EPM2A: variants seen among roughly 807,000 people sequenced by gnomAD.
EPM2A encodes the protein EPM2A glucan phosphatase, laforin, also known as laforin.
Under a neutral mutation model 26.5 loss-of-function variants are expected in EPM2A, and 21 were observed. The ratio of observed to expected loss-of-function variants is 0.79; its 90% CI spans 0.56 to 1.14. The LOEUF (loss-of-function observed/expected upper bound fraction) is 1.14. EPM2A is among the 50% of genes most tolerant of loss of function. The pLI, the probability that EPM2A is intolerant of heterozygous loss-of-function variation, is 0.00. For missense variants in EPM2A, 458 were observed against 440.8 expected, an observed-to-expected ratio of 1.04 and a Z score of -0.35; for synonymous variants, 217 against 177.6, an observed-to-expected ratio of 1.22 and a Z score of -1.76.
chr6:145,577,370 CA>C (rs57227362), intron 2 of EPM2A, among the ~76,000 whole-genome samples: 4,852 of 138,830 alleles, frequency 0.035, 93 homozygotes, highest in African/African-American at 0.062. Context: ...AAAATGGAAA[CA>C]AAAAAAAAAG....
At chr6:145,504,511 C>A (rs1346440608) in intron 2 of EPM2A, among the ~76,000 whole-genome samples, 1 of 73,222 alleles carries the variant, frequency 1.4e-5, no homozygotes, top group Non-Finnish European at 2.7e-5. Flanking sequence ...TCATCACTGG[C>A]CATCAGAGAA....
chr6:145,654,727 GTT>G (rs1462437373), intron 2 of EPM2A, among the ~76,000 whole-genome samples: 3 of 152,138 alleles, frequency 2.0e-5, no homozygotes, highest in Non-Finnish European at 4.4e-5. Context: ...AAAATGGAGA[GTT>G]TAGCTTATGG....
chr6:145,426,113 C>T (rs1280370778), intron 4 of EPM2A, among the ~76,000 whole-genome samples: 1 of 152,160 alleles, frequency 6.6e-6, no homozygotes, highest in African/African-American at 2.4e-5. Flanking sequence ...GAACTCTTCT[C>T]TGGTTGATAT....
intron 4 of EPM2A, among the ~76,000 whole-genome samples, chr6:145,414,638 A>T (rs1272761230): frequency 1.3e-5 from 2 of 152,014 alleles, no homozygotes; most frequent in Non-Finnish European, 2.9e-5. Context: ...TAAGGCAGAG[A>T]GTCCTGTGTT....
chr6:145,409,930 T>G (rs1209092535), intron 4 of EPM2A, among the ~76,000 whole-genome samples: 1 of 152,198 alleles, frequency 6.6e-6, no homozygotes, highest in African/African-American at 2.4e-5. Context: ...GGTGAGCATG[T>G]CTTCCAAGTG....
chr6:145,697,072 G>A (rs900583713), intron 1 of EPM2A, among the ~76,000 whole-genome samples: 5 of 151,878 alleles, frequency 3.3e-5, no homozygotes, highest in Non-Finnish European at 7.4e-5. Flanking sequence ...TTTGTTATTG[G>A]GGGAAATTCA....
At chr6:145,716,030 G>T (rs1775599660) in intron 1 of EPM2A, among the ~76,000 whole-genome samples, 1 of 152,140 alleles carries the variant, frequency 6.6e-6, no homozygotes, top group Admixed American at 6.5e-5. Flanking sequence ...TGCCAGAAAG[G>T]TTAGGGACCA....
chr6:145,546,179 A>G (rs1780581010), intron 2 of EPM2A, among the ~76,000 whole-genome samples: 1 of 152,152 alleles, frequency 6.6e-6, no homozygotes, highest in Non-Finnish European at 1.5e-5. Context: ...GGCCTGAGAA[A>G]CAGGGATGCC....
In EPM2A at chr6:145,395,681, C is replaced by A. The variant is rs144797735; in HGVS notation, c.556-11584G>T. On this transcript the variant is annotated intron_variant, in intron 4 of 4. Transcript: ENST00000638717. ...CATAGCTCACTGTAACCTCCTTAAC[C>A]CCGGCACCTTCTTTCCTTTACCAGA... Among the ~76,000 whole-genome samples the A allele has an allele frequency of 8.2e-4, 125 of 152,270 alleles. 1 individual carries two copies. Among genetic ancestry groups the A allele is most frequent in the African/African-American group, 2.8e-3 (117 of 41,556 alleles).
chr6:145,628,236 TG>T (rs1321998018), intron 3 of EPM2A: 1 of 155,934 alleles, frequency 6.4e-6, no homozygotes, highest in African/African-American at 2.4e-5. Context: ...TCGATACAGA[TG>T]GATAACCAAT....
intron 2 of EPM2A, among the ~76,000 whole-genome samples, chr6:145,577,700 C>T (rs995224570): frequency 6.6e-6 from 1 of 151,886 alleles, no homozygotes; most frequent in African/African-American, 2.4e-5. Flanking sequence ...GCCAAGTGGA[C>T]CTAAAAGACA....
At chr6:145,539,705 A>T (rs1780481281) in intron 2 of EPM2A, among the ~76,000 whole-genome samples, 1 of 152,192 alleles carries the variant, frequency 6.6e-6, no homozygotes, top group South Asian at 2.1e-4. Flanking sequence ...ATAAAAAGTC[A>T]AACTTAATTG....
At chr6:145,524,289 G>C (rs562652476) in intron 2 of EPM2A, among the ~76,000 whole-genome samples, 5 of 151,996 alleles carry the variant, frequency 3.3e-5, no homozygotes, top group African/African-American at 1.2e-4. Context: ...TTTTCCTTTG[G>C]GTATATACCC....
chr6:145,530,191 C>T (rs375378201), intron 2 of EPM2A, among the ~76,000 whole-genome samples: 2 of 152,126 alleles, frequency 1.3e-5, no homozygotes, highest in Non-Finnish European at 2.9e-5. Context: ...CCTGTTTATG[C>T]CTTTCCCCTA....
intron 2 of EPM2A, among the ~76,000 whole-genome samples, chr6:145,565,231 C>T (rs1034260815): frequency 1.3e-5 from 2 of 151,906 alleles, no homozygotes; most frequent in African/African-American, 2.4e-5. Context: ...TGGTTTTTGA[C>T]CTTACCTGCT....
At chr6:145,588,884 C>A (rs762304786) in intron 2 of EPM2A, among the ~76,000 whole-genome samples, 2 of 152,086 alleles carry the variant, frequency 1.3e-5, no homozygotes, top group African/African-American at 4.8e-5. Context: ...AGCAGGGGAA[C>A]TTTACTATAA....
chr6:145,582,330 A>C (rs770999940), intron 2 of EPM2A, among the ~76,000 whole-genome samples: 20 of 151,932 alleles, frequency 1.3e-4, no homozygotes, highest in Middle Eastern at 3.4e-3. Flanking sequence ...GTTTTTTTAA[A>C]TTTGCTGAGA....
chr6:145,495,596 T>C (rs555681497), intron 4 of EPM2A, among the ~76,000 whole-genome samples: 1 of 152,296 alleles, frequency 6.6e-6, no homozygotes, highest in Admixed American at 6.5e-5. Flanking sequence ...TATTGATTTT[T>C]AGATGGAATC....
At chr6:145,685,753 G>A (rs910280334) in intron 2 of EPM2A, among the ~76,000 whole-genome samples, 3 of 152,076 alleles carry the variant, frequency 2.0e-5, no homozygotes, top group Non-Finnish European at 4.4e-5. Flanking sequence ...GATTGTATAA[G>A]GAAATACCAA....
Sources: allele counts gnomAD v4.1 joint callset (sites outside exome capture counted in the v4.1 genomes callset), GRCh38; gene constraint gnomAD v4.1.1; transcripts MANE v1.5; gene names NCBI Gene and HGNC (gene_info 2026-07-23, HGNC 2026-07-21).